Variants in SLC43A2 observed in about 807,000 individuals in gnomAD.
SLC43A2 encodes large neutral amino acids transporter small subunit 4.
SLC43A2 carries 38 observed loss-of-function variants against 63.2 expected under a neutral mutation model. The ratio of observed to expected loss-of-function variants is 0.60; its 90% CI spans 0.46 to 0.79. The LOEUF is 0.79. SLC43A2 is among the 30% of genes least tolerant of loss of function. The probability of loss-of-function intolerance (pLI) is 0.00; values close to 1 mark genes in which losing one functional copy is unlikely to be tolerated. For missense variants in SLC43A2, 644 were observed against 756.2 expected (o/e 0.85, Z 1.74); for synonymous variants, 322 against 331.0 (o/e 0.97, Z 0.30).
In SLC43A2 at chr17:1,578,883, G is replaced by A. The variant is rs1057277725; in HGVS notation, c.1351-560C>T. Among the ~76,000 whole-genome samples the A allele has an allele frequency of 2.4e-4, 37 of 152,180 alleles. No individual in the cohort carries two copies. The Middle Eastern group carries it at 0.01, about 42-fold the overall frequency. ...AGGCTGGGCAAGGTGGCTCACGCCC[G>A]TAATCCCAGTGCTTTGGGAGGCCGA... On this transcript the variant is annotated intron_variant, in intron 11 of 13. Transcript: ENST00000301335. The surrounding 1 kb of genome is among the most constrained non-coding windows in gnomAD (Gnocchi z 6.5).
At chr17:1,625,855 C>G (rs1447218390) in intron 2 of SLC43A2, among the ~76,000 whole-genome samples, 1 of 152,098 alleles carries the variant, frequency 6.6e-6, no homozygotes, top group African/African-American at 2.4e-5. Flanking sequence ...CTGCCCAGGG[C>G]TTAAAACACC....
At chr17:1,575,909 G>A (rs1043742534) in intron 13 of SLC43A2, 144 bp from the exon 14 acceptor site, 26 of 968,976 alleles carry the variant, frequency 2.7e-5, no homozygotes, top group Non-Finnish European at 3.6e-5. Flanking sequence ...GGTCCCATAT[G>A]CCAGCGTCCC....
chr17:1,602,136 C>T (rs756385140), intron 5 of SLC43A2, among the ~76,000 whole-genome samples: 4 of 152,138 alleles, frequency 2.6e-5, no homozygotes, highest in South Asian at 2.1e-4. Flanking sequence ...GGTGCACAAG[C>T]GGCAGGGGGC....
In SLC43A2 at chr17:1,578,070, G is replaced by A. The variant is rs963938064; in HGVS notation, c.1424+180C>T. Among the ~76,000 whole-genome samples, 1 of 152,140 alleles carries A rather than the reference G, an allele frequency of 6.6e-6. No homozygotes were observed. Among genetic ancestry groups the A allele is most frequent in the East Asian group, 1.9e-4 (1 of 5,190 alleles). On this transcript the variant is annotated intron_variant, in intron 12 of 13. Transcript: ENST00000301335. This position sits in a 1 kb window ranked among gnomAD's most constrained non-coding sequence, Gnocchi z 6.5. ...GTCTGCCCACTGACCTGCTTCCCAC[G>A]AGGTATGGCCTTTCCCTGAAACACC... is the stretch of plus-strand genomic sequence containing the variant.
intron 13 of SLC43A2, 34 bp downstream of exon 13, chr17:1,576,563 C>T (rs762317755): frequency 7.0e-6 from 11 of 1,572,648 alleles, no homozygotes; most frequent in Admixed American, 3.7e-5. Context: ...AGGGGGCAGG[C>T]GCCCATGACC....
At chr17:1,588,934 C>T (rs918921702) in intron 9 of SLC43A2, among the ~76,000 whole-genome samples, 6 of 152,276 alleles carry the variant, frequency 3.9e-5, no homozygotes, top group South Asian at 2.1e-4. Context: ...TGCTTTGAGC[C>T]GTTCCTCAGC....
At chr17:1,586,928 T>TCTCCCCCCCCC in intron 9 of SLC43A2, 4 of 1,232,912 alleles carry the variant, frequency 3.2e-6, no homozygotes, top group East Asian at 2.8e-5. Context: ...TCCCTGACAA[T>TCTCCCCCCCCC]CCCCCCCACC....
chr17:1,617,836 A>G (rs866005550), intron 2 of SLC43A2, among the ~76,000 whole-genome samples: 21 of 152,160 alleles, frequency 1.4e-4, no homozygotes, highest in South Asian at 4.1e-4. Flanking sequence ...GCACCAAAAC[A>G]ACACAGAAAG....
At chr17:1,608,614 G>GA (rs1316103471) in intron 5 of SLC43A2, among the ~76,000 whole-genome samples, 10 of 152,052 alleles carry the variant, frequency 6.6e-5, no homozygotes, top group Non-Finnish European at 2.9e-5. Context: ...GGCTGGTCTT[G>GA]AACTCCTGGC....
intron 5 of SLC43A2, among the ~76,000 whole-genome samples, chr17:1,609,523 A>G (rs1173444188): frequency 6.6e-6 from 1 of 152,156 alleles, no homozygotes; most frequent in Non-Finnish European, 1.5e-5. Context: ...TTAGAAGACT[A>G]TTTAACAGTA....
intron 10 of SLC43A2, chr17:1,585,166 C>T (rs1203655992): frequency 2.0e-6 from 2 of 988,760 alleles, no homozygotes; most frequent in Admixed American, 1.2e-4. Context: ...GTCTTAGGAG[C>T]AAAATGGTCT....
rs2075946431 is a variant in SLC43A2, at chr17:1,577,133, G to A, written c.1425-413C>T. On this transcript the variant is annotated intron_variant, in intron 12 of 13. Transcript: ENST00000301335. This position sits in a 1 kb window ranked among gnomAD's most constrained non-coding sequence, Gnocchi z 4.9. ...CCTGCCTCGGCCTCCCAAAGTTCTGGGATTACAGGCGTGAGCCACCGCGCC... is the reference window on the plus strand; with the variant it reads ...CCTGCCTCGGCCTCCCAAAGTTCTGAGATTACAGGCGTGAGCCACCGCGCC... Among the ~76,000 whole-genome samples, 1 of 152,110 alleles carries A rather than the reference G, an allele frequency of 6.6e-6. No individual in the cohort carries two copies. Among genetic ancestry groups the A allele is most frequent in the Admixed American group, 6.6e-5 (1 of 15,256 alleles).
chr17:1,586,928 T>TTGCG, intron 9 of SLC43A2: 1 of 1,232,916 alleles, frequency 8.1e-7, no homozygotes, highest in Non-Finnish European at 1.1e-6. Flanking sequence ...TCCCTGACAA[T>TTGCG]CCCCCCCACC....
intron 9 of SLC43A2, among the ~76,000 whole-genome samples, chr17:1,589,003 C>A (rs142760398): frequency 2.0e-5 from 3 of 152,214 alleles, no homozygotes; most frequent in Non-Finnish European, 2.9e-5. Flanking sequence ...GAAAGTGACC[C>A]GGACCCTGCA....
intron 9 of SLC43A2, chr17:1,587,024 G>A: frequency 6.8e-7 from 1 of 1,481,138 alleles, no homozygotes; most frequent in Non-Finnish European, 9.0e-7. Context: ...AAATCTCAGT[G>A]CTACAGAGAG....
rs891518224 is a variant in SLC43A2, at chr17:1,627,855, G to A, written c.20C>T (p.Thr7Ile). The A allele has an allele frequency of 5.1e-6, 8 of 1,576,806 alleles. No individual in the cohort carries two copies. The highest frequency in any genetic ancestry group is 6.9e-6 in the Non-Finnish European group (8 of 1,161,976). The change falls in exon 2 of 14, where the codon ACT becomes ATT. Residue 7 changes from threonine to isoleucine, a missense_variant. Thr to Ile is a moderately conservative substitution (Grantham distance 89). Around this residue, in one of 3 missense-constraint regions of SLC43A2, gnomAD observed 528 missense variants for 623.6 expected, o/e 0.85. Coordinates refer to ENST00000301335, the MANE Select transcript of SLC43A2 (RefSeq NM_152346.3). MAPTLA[T>I]AHRRRWWMAC... is the part of the protein sequence containing the mutation. ...CATCCACCAGCGGCGCCGATGGGCA[G>A]TGGCCAGGGTGGGCGCCATGGTGCG...
chr17:1,588,865 C>T (rs147979484), intron 9 of SLC43A2, among the ~76,000 whole-genome samples: 523 of 152,340 alleles, frequency 3.4e-3, no homozygotes, highest in South Asian at 7.7e-3. Context: ...TCGGAACCAG[C>T]ACCCGGGAGC....
At position 1,626,808 on chromosome 17, in the gene SLC43A2, G is replaced by A. The variant is rs75802452; in HGVS notation, c.160+907C>T. 7.1e-3 allele frequency among the ~76,000 whole-genome samples: 1,074 copies of A among 152,318 alleles called. 10 individuals are homozygous for A. The highest frequency in any genetic ancestry group is 0.024 in the African/African-American group (1,015 of 41,564). On this transcript the variant is annotated intron_variant, in intron 2 of 13. Transcript: ENST00000301335. ...TGAGCTCAGCTATTATGCAGCTACC[G>A]TTGGGATCAAGGAGAAGGCAGAGGG...
chr17:1,602,920 G>C (rs985394209), intron 5 of SLC43A2, among the ~76,000 whole-genome samples: 1 of 151,340 alleles, frequency 6.6e-6, no homozygotes, highest in Non-Finnish European at 1.5e-5. Flanking sequence ...CACCACACCC[G>C]GCTAATTTTT....
Sources: gnomAD v4.1 joint callset for allele counts (sites outside exome capture counted in the v4.1 genomes callset) on GRCh38, gnomAD v4.1.1 for gene constraint, gnomAD v4.1.1 regional missense constraint, Gnocchi (gnomAD v3.1) non-coding constraint, MANE v1.5 for transcripts, NCBI Gene and HGNC (gene_info 2026-07-23, HGNC 2026-07-21) for gene names.